CNTNAP3B: variants seen among roughly 807,000 people sequenced by gnomAD.
CNTNAP3B encodes contactin-associated protein-like 3B.
Under a neutral mutation model 108.9 loss-of-function variants are expected in CNTNAP3B, and 25 were observed. The ratio of observed to expected loss-of-function variants is 0.23; its 90% CI spans 0.17 to 0.32. The LOEUF (loss-of-function observed/expected upper bound fraction) is 0.32, where lower values mean the gene tolerates loss of function less well. Among genes scored for constraint, CNTNAP3B ranks in the 10% least tolerant of loss-of-function variants. CNTNAP3B has a pLI of 1.00. For synonymous variants in CNTNAP3B, 103 were observed against 473.4 expected (o/e 0.22, Z 10.16); for missense variants, 252 against 1,210.4 (o/e 0.21, Z 11.75).
intron 3 of CNTNAP3B, among the ~76,000 whole-genome samples, chr9:42,067,973 G>T: frequency 7.3e-6 from 1 of 136,786 alleles, no homozygotes; most frequent in East Asian, 2.2e-4. Flanking sequence ...ACTTCCTATT[G>T]AGATAATTTA....
chr9:42,053,770 G>A (rs922797711), intron 3 of CNTNAP3B, among the ~76,000 whole-genome samples: 2 of 144,164 alleles, frequency 1.4e-5, no homozygotes, highest in African/African-American at 5.3e-5. Context: ...GTCAGCAGCT[G>A]AAATGCAAAA....
At chr9:41,957,911 C>T (rs1360176529) in intron 12 of CNTNAP3B, among the ~76,000 whole-genome samples, 1 of 151,766 alleles carries the variant, frequency 6.6e-6, no homozygotes, top group Non-Finnish European at 1.5e-5. Flanking sequence ...CAGGCACCCG[C>T]CACTACGCCC....
chr9:41,964,754 C>A lies in CNTNAP3B; in HGVS notation c.1650-110G>T. The stretch of plus-strand genomic sequence containing the variant: ...GGCCAGCATACGCAAGATAACCCCA[C>A]ATGACGTGATTACTGGGTCTGCCAT... On this transcript the variant is annotated intron_variant, in intron 10 of 23. Coordinates refer to ENST00000377561, the MANE Select transcript of CNTNAP3B (RefSeq NM_001201380.3). The A allele has an allele frequency of 9.9e-6, 14 of 1,413,992 alleles. No homozygotes were observed. In the South Asian group the frequency reaches 2.0e-4, roughly 20 times the overall value. 87.6% of individuals were successfully genotyped at this position (1,413,992 alleles called of 1,614,324 possible).
At chr9:41,894,402 A>T (rs1823384403) in intron 23 of CNTNAP3B, among the ~76,000 whole-genome samples, 1 of 77,502 alleles carries the variant, frequency 1.3e-5, no homozygotes, top group African/African-American at 7.1e-5. Context: ...TGTTGGGATT[A>T]CAGGTGTGAG....
intron 13 of CNTNAP3B, among the ~76,000 whole-genome samples, chr9:41,952,130 G>A (rs1824707679): frequency 1.3e-5 from 2 of 152,272 alleles, no homozygotes; most frequent in Admixed American, 6.5e-5. Context: ...ACGGACTAGG[G>A]AAGGCAATGC....
At chr9:41,985,387 TTA>T (rs1825688316) in intron 9 of CNTNAP3B, among the ~76,000 whole-genome samples, 1 of 21,718 alleles carries the variant, frequency 4.6e-5, no homozygotes, top group Non-Finnish European at 8.3e-5. Context: ...TGGGCCTCTT[TTA>T]TAAGGGCACT....
intron 1 of CNTNAP3B, among the ~76,000 whole-genome samples, chr9:42,115,019 T>A (rs1209675496): frequency 7.5e-6 from 1 of 134,214 alleles, no homozygotes; most frequent in Admixed American, 7.4e-5. Flanking sequence ...GTGCCACTGC[T>A]CTCCAGCCTA....
intron 3 of CNTNAP3B, among the ~76,000 whole-genome samples, chr9:42,046,104 G>A (rs1031786903): frequency 1.6e-5 from 2 of 125,426 alleles, no homozygotes; most frequent in African/African-American, 3.3e-5. Context: ...GGCTCACTTT[G>A]CAAACCACAC....
At chr9:41,964,167 T>A (rs1365621422) in intron 11 of CNTNAP3B, among the ~76,000 whole-genome samples, 26 of 152,416 alleles carry the variant, frequency 1.7e-4, no homozygotes, top group African/African-American at 6.0e-4. Flanking sequence ...TTTTTCCACC[T>A]TTCTTTGACT....
chr9:41,960,281 AG>A (rs1242307191), intron 12 of CNTNAP3B: 2 of 168,918 alleles, frequency 1.2e-5, no homozygotes, highest in East Asian at 3.6e-4. Flanking sequence ...TACAGGCGTG[AG>A]CCACCATGCG....
At chr9:41,940,909 G>A (rs1824321922) in intron 13 of CNTNAP3B, among the ~76,000 whole-genome samples, 1 of 152,396 alleles carries the variant, frequency 6.6e-6, no homozygotes, top group East Asian at 1.9e-4. Context: ...GGCTAAAGGA[G>A]GTTTTTCAAA....
intron 14 of CNTNAP3B, among the ~76,000 whole-genome samples, chr9:41,932,428 T>C (rs1824004831): frequency 6.6e-6 from 1 of 151,792 alleles, no homozygotes; most frequent in South Asian, 2.1e-4. Flanking sequence ...CAGGGAACTT[T>C]ATTTAAGGCA....
intron 1 of CNTNAP3B, among the ~76,000 whole-genome samples, chr9:42,119,432 C>T (rs1232109778): frequency 7.6e-6 from 1 of 131,428 alleles, no homozygotes; most frequent in Admixed American, 7.6e-5. Flanking sequence ...TCAATGCCAT[C>T]CCCATCAAGC....
At chr9:41,956,355 C>T (rs1306382909) in intron 12 of CNTNAP3B, among the ~76,000 whole-genome samples, 7 of 152,080 alleles carry the variant, frequency 4.6e-5, no homozygotes, top group African/African-American at 1.7e-4. Context: ...CACTGTACTC[C>T]AGCCTGGGTG....
intron 3 of CNTNAP3B, among the ~76,000 whole-genome samples, chr9:42,054,633 A>C (rs1262038353): frequency 1.3e-5 from 2 of 151,786 alleles, no homozygotes; most frequent in South Asian, 4.1e-4. Flanking sequence ...CTGATGACCC[A>C]GGACATGAAT....
At position 42,124,915 on chromosome 9, in the gene CNTNAP3B, T is replaced by A. The variant is rs1193596256; in HGVS notation, c.85+4095A>T. 2.9e-5 allele frequency among the ~76,000 whole-genome samples: 4 copies of A among 138,966 alleles called. No individual in the cohort carries two copies. In the East Asian group the frequency reaches 8.8e-4, roughly 30 times the overall value. The allele number at this position is 138,966 out of a possible 152,430, so 91.2% of individuals were successfully genotyped here. ...TTTAATCTACATCTCTTAGGTAAAA[T>A]GCATCAATTTAACTACACTTACTTA... On this transcript the variant is annotated intron_variant, in intron 1 of 23. Transcript: ENST00000377561.
chr9:42,033,274 T>A (rs561324391), intron 3 of CNTNAP3B, among the ~76,000 whole-genome samples: 44 of 149,974 alleles, frequency 2.9e-4, no homozygotes, highest in African/African-American at 1.1e-3. Context: ...AATTTTGAGA[T>A]AAAATCTCAT....
At chr9:41,982,004 G>C (rs1418687328) in intron 9 of CNTNAP3B, among the ~76,000 whole-genome samples, 1 of 87,522 alleles carries the variant, frequency 1.1e-5, no homozygotes, top group African/African-American at 5.1e-5. Flanking sequence ...GGGAGGTTGA[G>C]GCTGTATCGT....
chr9:41,937,102 T>A (rs1232635595), intron 14 of CNTNAP3B, among the ~76,000 whole-genome samples: 5,637 of 118,074 alleles, frequency 0.048, 36 homozygotes, highest in Admixed American at 0.07. Context: ...CATTACATTT[T>A]TTATTTATTA....
Sources: gnomAD v4.1 joint callset for allele counts (sites outside exome capture counted in the v4.1 genomes callset) on GRCh38, gnomAD v4.1.1 for gene constraint, MANE v1.5 for transcripts, NCBI Gene and HGNC (gene_info 2026-07-23, HGNC 2026-07-21) for gene names.